The following MAGI1 variants were observed in gnomAD, a reference collection of about 807,000 sequenced individuals.
MAGI1 encodes membrane associated guanylate kinase, WW and PDZ domain containing 1.
In MAGI1, 58 loss-of-function variants were observed where a neutral mutation model predicts 139.9. That is an observed-to-expected ratio of 0.41 (90% CI 0.34 to 0.52). The LOEUF is 0.52. MAGI1 is among the 20% of genes least tolerant of loss of function. The pLI is 0.12. For missense variants in MAGI1, 1,874 were observed against 1,901.6 expected, an observed-to-expected ratio of 0.99 and a Z score of 0.27; for synonymous variants, 812 against 737.9, an observed-to-expected ratio of 1.10 and a Z score of -1.63.
In MAGI1 at chr3:65,411,426, T is replaced by A. The variant is rs532949274; in HGVS notation, c.2168-9956A>T. On this transcript the variant is annotated intron_variant, in intron 12 of 22. Transcript: ENST00000402939. ...GGTCTCCCTAAGATAGGTGAAACTA[T>A]GGTGGCCTGATAGCCCCATGCAGTT... Among the ~76,000 whole-genome samples the A allele has an allele frequency of 2.3e-4, 35 of 152,332 alleles. No individual in the cohort carries two copies. The South Asian group carries it at 5.6e-3, about 24-fold the overall frequency.
chr3:65,379,365 G>A lies in MAGI1; in HGVS notation c.2891C>T (p.Thr964Ile), dbSNP rs1336903882. 3 of 1,612,758 alleles carry A rather than the reference G, an allele frequency of 1.9e-6. No individual in the cohort carries two copies. The highest frequency in any genetic ancestry group is 2.5e-6 in the Non-Finnish European group (3 of 1,179,384). Residue 964 changes from threonine (T) to isoleucine (I), a missense_variant, in exon 17 of 23, where the codon ACC (threonine) becomes ATC (isoleucine). Physicochemically the swap from Thr to Ile is moderately conservative, Grantham distance 89. Transcript: ENST00000402939. ...CTCCACGTCGTAGGGCTGCACCACG[G>A]TGCTGACCACGCCGCTGCCCCCGCC... ...GGGGGSGVVS[T>I]VVQPYDVEIR...
chr3:65,999,926 T>G (rs1329982693), intron 1 of MAGI1, among the ~76,000 whole-genome samples: 1 of 151,396 alleles, frequency 6.6e-6, no homozygotes, highest in Non-Finnish European at 1.5e-5. Flanking sequence ...GGTAACCATA[T>G]CTTGAGAAAA....
At chr3:65,598,417 G>C (rs1352406280) in intron 2 of MAGI1, among the ~76,000 whole-genome samples, 1 of 152,178 alleles carries the variant, frequency 6.6e-6, no homozygotes, top group Admixed American at 6.5e-5. Context: ...TTCTTGGTTA[G>C]GGATACAACC....
chr3:65,881,015 T>C (rs79071465), intron 1 of MAGI1, among the ~76,000 whole-genome samples: 4,138 of 151,926 alleles, frequency 0.027, 156 homozygotes, highest in East Asian at 0.12. Context: ...TCAAGCGATC[T>C]TCCCGCCTCA....
chr3:65,895,769 C>T (rs993681580), intron 1 of MAGI1, among the ~76,000 whole-genome samples: 1 of 152,204 alleles, frequency 6.6e-6, no homozygotes, highest in Non-Finnish European at 1.5e-5. Flanking sequence ...TCAGTACCAT[C>T]AATATATTTG....
chr3:65,926,108 T>A (rs1053953851), intron 1 of MAGI1, among the ~76,000 whole-genome samples: 1 of 152,138 alleles, frequency 6.6e-6, no homozygotes, highest in Non-Finnish European at 1.5e-5. Context: ...AAAAGAAAAA[T>A]TCAAATCAAA....
At chr3:65,782,846 T>C (rs1225514662) in intron 1 of MAGI1, among the ~76,000 whole-genome samples, 2 of 151,412 alleles carry the variant, frequency 1.3e-5, no homozygotes, top group African/African-American at 4.8e-5. Flanking sequence ...TACTGGGCCA[T>C]CTGTGAAAAG....
intron 7 of MAGI1, among the ~76,000 whole-genome samples, chr3:65,446,727 G>A (rs1002465440): frequency 1.3e-5 from 2 of 152,168 alleles, no homozygotes; most frequent in Non-Finnish European, 2.9e-5. Context: ...TCATTGGATT[G>A]ACAAATTCTT....
At chr3:65,496,072 C>T (rs191378468) in intron 2 of MAGI1, among the ~76,000 whole-genome samples, 13 of 152,264 alleles carry the variant, frequency 8.5e-5, no homozygotes, top group Admixed American at 2.0e-4. Context: ...GACAGAGTCT[C>T]GCTCTATCGC....
chr3:65,753,978 A>G (rs2036367588), intron 1 of MAGI1, among the ~76,000 whole-genome samples: 2 of 152,288 alleles, frequency 1.3e-5, no homozygotes, highest in South Asian at 2.1e-4. Flanking sequence ...CTGACTGAAC[A>G]CAGTGTGTAA....
At chr3:65,519,335 GACACACAC>G (rs35232258) in intron 2 of MAGI1, among the ~76,000 whole-genome samples, 8,450 of 139,016 alleles carry the variant, frequency 0.061, 320 homozygotes, top group African/African-American at 0.096. Context: ...ATCATGATCT[GACACACAC>G]ACACACACAC....
chr3:65,919,630 G>A lies in MAGI1; in HGVS notation c.313+118366C>T, dbSNP rs559893320. Among the ~76,000 whole-genome samples, 28 of 151,594 alleles carry A rather than the reference G, an allele frequency of 1.8e-4. No homozygotes were observed. The South Asian group carries it at 5.6e-3, about 30-fold the overall frequency. On this transcript the variant is annotated intron_variant, in intron 1 of 22. Transcript: ENST00000402939. Reference sequence around the variant, plus strand: ...AACAAAAAATGCTTACACAAGAGAAGGTATCAGGAGGTAACTTGGATATAT... The same window carrying A: ...AACAAAAAATGCTTACACAAGAGAAAGTATCAGGAGGTAACTTGGATATAT...
chr3:65,971,970 CA>C lies in MAGI1; in HGVS notation c.313+66025del, dbSNP rs1381165375. ...AGGAGCAGATAATAAAATCCAAAGG[CA>C]AATAGGACAAGCTGTTAGCCAGGGA... On this transcript the variant is annotated intron_variant, in intron 1 of 22. Transcript: ENST00000402939. Among the ~76,000 whole-genome samples the C allele has an allele frequency of 2.6e-5, 4 of 152,278 alleles. No individual in the cohort carries two copies. In the South Asian group the frequency reaches 6.2e-4, roughly 24 times the overall value.
intron 2 of MAGI1, among the ~76,000 whole-genome samples, chr3:65,579,317 C>A (rs1407808803): frequency 6.6e-6 from 1 of 152,140 alleles, no homozygotes; most frequent in Admixed American, 6.5e-5. Flanking sequence ...ATGCTTTCTG[C>A]TGCTCTGTGG....
intron 2 of MAGI1, among the ~76,000 whole-genome samples, chr3:65,609,571 GT>G (rs894819185): frequency 6.0e-5 from 9 of 151,032 alleles, no homozygotes; most frequent in African/African-American, 1.7e-4. Context: ...GAGCCACCGG[GT>G]TTTTTTTGTT....
At chr3:65,984,784 G>A (rs1041357602) in intron 1 of MAGI1, among the ~76,000 whole-genome samples, 1 of 148,828 alleles carries the variant, frequency 6.7e-6, no homozygotes, top group African/African-American at 2.5e-5. Flanking sequence ...CTGGGCCCAA[G>A]TGATTCTCCA....
rs577595720 is a variant in MAGI1, at chr3:65,571,831, A to T, written c.430+50141T>A. Among the ~76,000 whole-genome samples, 6 of 152,236 alleles carry T rather than the reference A, an allele frequency of 3.9e-5. No homozygotes were observed. In the East Asian group the frequency reaches 1.2e-3, roughly 29 times the overall value. ...TGTATTAAACAAAAACATAAATGGC[A>T]TGCTGACCAAAAATAGCTATAAGAC... is the stretch of plus-strand genomic sequence containing the variant. On this transcript the variant is annotated intron_variant, in intron 2 of 22. Transcript: ENST00000402939.
intron 1 of MAGI1, among the ~76,000 whole-genome samples, chr3:65,828,045 A>T (rs933081527): frequency 6.6e-6 from 1 of 152,246 alleles, no homozygotes; most frequent in African/African-American, 2.4e-5. Context: ...AGTTGATTTT[A>T]TAAGATATTA....
At chr3:65,431,886 G>A (rs1464620971) in intron 10 of MAGI1, among the ~76,000 whole-genome samples, 1 of 152,062 alleles carries the variant, frequency 6.6e-6, no homozygotes, top group African/African-American at 2.4e-5. Flanking sequence ...CCAGCTACTT[G>A]GGAGGCTGAG....
Sources: gnomAD v4.1 joint callset for allele counts (sites outside exome capture counted in the v4.1 genomes callset) on GRCh38, gnomAD v4.1.1 for gene constraint, MANE v1.5 for transcripts, NCBI Gene and HGNC (gene_info 2026-07-23, HGNC 2026-07-21) for gene names.